The following FABP9 variants were observed in gnomAD, a reference collection of about 807,000 sequenced individuals.
FABP9 encodes the protein fatty acid binding protein 9, also known as fatty acid-binding protein 9.
In FABP9, 11 loss-of-function variants were observed where a neutral mutation model predicts 14.7. The observed-to-expected ratio is 0.75, with a 90% CI of 0.47 to 1.24. FABP9 has a LOEUF of 1.24. Among genes scored for constraint, FABP9 ranks in the 50% most tolerant of loss-of-function variants. The probability of loss-of-function intolerance (pLI) is 0.00; values close to 1 mark genes in which losing one functional copy is unlikely to be tolerated. For missense variants in FABP9, 171 were observed against 158.2 expected (o/e 1.08, Z -0.44); for synonymous variants, 54 against 50.6 (o/e 1.07, Z -0.29).
intron 1 of FABP9, 56 bp from the exon 2 acceptor site, chr8:81,459,393 G>A: frequency 7.1e-7 from 1 of 1,416,478 alleles, no homozygotes; most frequent in Non-Finnish European, 9.3e-7. Context: ...AATCACTCTG[G>A]AAGTCAATTT....
rs1254196882 is a variant in FABP9 at position 81,459,170 on chromosome 8, C to T, written c.241G>A (p.Val81Ile). 6.3e-7 allele frequency: 1 copy of T among 1,588,564 alleles called. No individual in the cohort carries two copies. Among genetic ancestry groups the T allele is most frequent in the Non-Finnish European group, 8.5e-7 (1 of 1,171,838 alleles). Residue 81 changes from valine to isoleucine, a missense_variant, in exon 2 of 4, where the codon GTA becomes ATA. Val to Ile is a conservative substitution (Grantham distance 29). Coordinates refer to ENST00000379071, the MANE Select transcript of FABP9 (RefSeq NM_001080526.2). Reference sequence around the variant, plus strand: ...CAGGAAGAATTAGTTCTGACCTTTACTTTCCGGTTGTCTGCTGTAGTTTCA... The same window carrying T: ...CAGGAAGAATTAGTTCTGACCTTTATTTTCCGGTTGTCTGCTGTAGTTTCA... ...FDETTADNRKVKSTITLENGS... is the reference protein window; with the variant it reads ...FDETTADNRKIKSTITLENGS...
In FABP9 at chr8:81,459,233, C is replaced by G; in HGVS notation, c.178G>C (p.Asp60His). Residue 60 changes from aspartate (D) to histidine (H), a missense_variant, in exon 2 of 4, where the codon GAC (aspartate) becomes CAC (histidine). Physicochemically the swap from Asp to His is moderately conservative, Grantham distance 81. Transcript: ENST00000379071. ...MTIRTESSFQ[D>H]TKISFKLGEE... Reference sequence around the variant, plus strand: ...CCCAGCTTGAAGGAGATCTTAGTGTCCTGGAAAGAACTTTCTGTTCTTATG... The same window carrying G: ...CCCAGCTTGAAGGAGATCTTAGTGTGCTGGAAAGAACTTTCTGTTCTTATG... 1 of 1,589,452 alleles carries G rather than the reference C, an allele frequency of 6.3e-7. No individual in the cohort carries two copies. Among genetic ancestry groups the G allele is most frequent in the Non-Finnish European group, 8.5e-7 (1 of 1,172,084 alleles).
At chr8:81,460,248 C>T (rs1162665558) in intron 1 of FABP9, among the ~76,000 whole-genome samples, 1 of 152,212 alleles carries the variant, frequency 6.6e-6, no homozygotes, top group East Asian at 1.9e-4. Context: ...GATCCACCTG[C>T]CTTGGCCTCC....
intron 2 of FABP9, 85 bp from the exon 3 acceptor site, chr8:81,458,788 T>G: frequency 1.1e-6 from 1 of 917,696 alleles, no homozygotes; most frequent in Non-Finnish European, 1.7e-6. Flanking sequence ...TAATTTCTAT[T>G]TTGAAATTCT....
At chr8:81,460,188 TG>T (rs1165377476) in intron 1 of FABP9, among the ~76,000 whole-genome samples, 3 of 151,988 alleles carry the variant, frequency 2.0e-5, no homozygotes, top group African/African-American at 7.3e-5. Flanking sequence ...TTAGTAGAGA[TG>T]GGGTTTCACC....
rs948121140 is a variant in FABP9 at position 81,458,265 on chromosome 8, C to A, written c.*118G>T. ...CTTCAAAACTGCACTTAATTTGATG[C>A]TTTTATTAAGCAAATTTATATTGAG... On this transcript the variant is annotated 3_prime_UTR_variant, in exon 4 of 4. Transcript: ENST00000379071. The A allele has an allele frequency of 1.1e-4, 85 of 773,534 alleles. No homozygotes were observed. The highest frequency in any genetic ancestry group is 7.7e-5 in the Non-Finnish European group (35 of 455,734). The allele number at this position is 773,534 out of a possible 1,614,324, so 47.9% of individuals were successfully genotyped here. A position where few individuals can be genotyped will look rare whatever the true frequency, so the allele number is the denominator to read the frequency against.
At chr8:81,459,679 C>T (rs551338671) in intron 1 of FABP9, among the ~76,000 whole-genome samples, 8 of 152,104 alleles carry the variant, frequency 5.3e-5, no homozygotes, top group Non-Finnish European at 1.0e-4. Flanking sequence ...AGAGCCTGGC[C>T]CTGTGGTTTG....
Position 81,458,587 on chromosome 8 carries a change from T to G in FABP9, c.348+15A>C. 6.3e-7 allele frequency: 1 copy of G among 1,587,628 alleles called. No homozygotes were observed. The highest frequency in any genetic ancestry group is 8.6e-7 in the Non-Finnish European group (1 of 1,156,428). On this transcript the variant is annotated intron_variant, in intron 3 of 3. Transcript: ENST00000379071. ...AATAGGAACATATAAAGACTTCAAT[T>G]TAAAGAAAACTTACCACTACCATTT...
chr8:81,459,259 GTCA>G lies in FABP9; in HGVS notation c.149_151del (p.Met50del). On this transcript the variant is annotated inframe_deletion, in exon 2 of 4. Coordinates refer to ENST00000379071, the MANE Select transcript of FABP9 (RefSeq NM_001080526.2). ...CTGGAAAGAACTTTCTGTTCTTATGGTCATCATTTTCCCATCAACACTAATAGT... is the reference window on the plus strand; with the variant it reads ...CTGGAAAGAACTTTCTGTTCTTATGGTCATTTTCCCATCAACACTAATAGT... 6.3e-7 allele frequency: 1 copy of G among 1,581,626 alleles called. No individual in the cohort carries two copies. The highest frequency in any genetic ancestry group is 8.6e-7 in the Non-Finnish European group (1 of 1,169,266).
rs141600603 is a variant in FABP9, at chr8:81,459,295, G to A, written c.116C>T (p.Pro39Leu). The change falls in exon 2 of 4, where the codon CCG becomes CTG. Residue 39 changes from proline (P) to leucine (L), a missense_variant. By Grantham distance (98) the Pro-to-Leu change is moderately conservative. Coordinates refer to ENST00000379071, the MANE Select transcript of FABP9 (RefSeq NM_001080526.2). Reference sequence around the variant, plus strand: ...CCCATCAACACTAATAGTTACTGTCGGTTTCACTAACCCTGCCATGTTCCG... The same window carrying A: ...CCCATCAACACTAATAGTTACTGTCAGTTTCACTAACCCTGCCATGTTCCG... ...AARNMAGLVK[P>L]TVTISVDGKM... 2.7e-3 allele frequency: 4,166 copies of A among 1,561,792 alleles called. 104 individuals carry two copies. The African/African-American group carries it at 0.049, about 19-fold the overall frequency.
chr8:81,458,284 T>C lies in FABP9; in HGVS notation c.*99A>G. On this transcript the variant is annotated 3_prime_UTR_variant, in exon 4 of 4. Transcript: ENST00000379071. ...TTGATGCTTTTATTAAGCAAATTTA[T>C]ATTGAGACATTTTTTAAAAATCACC... 1.1e-6 allele frequency: 1 copy of C among 899,840 alleles called. No homozygotes were observed. Among genetic ancestry groups the C allele is most frequent in the South Asian group, 1.5e-5 (1 of 68,346 alleles). 55.7% of individuals were successfully genotyped at this position (899,840 alleles called of 1,614,324 possible).
Position 81,458,386 on chromosome 8 carries a change from C to T in FABP9, c.396G>A (p.Val132=). ...TTTCATTGCTGTGGACCTTTCTTCA[C>T]ACCTTTTCGTAGATTCTGGTGCTGA... ...NIVSTRIYEK[V] is the part of the protein sequence containing the mutation. The change falls in exon 4 of 4, where the codon GTG becomes GTA. Residue 132 remains valine (V), a synonymous_variant. Transcript: ENST00000379071. The T allele has an allele frequency of 6.2e-7, 1 of 1,611,414 alleles. No homozygotes were observed. Among genetic ancestry groups the T allele is most frequent in the Non-Finnish European group, 8.5e-7 (1 of 1,177,640 alleles).
At position 81,459,817 on chromosome 8, in the gene FABP9, G is replaced by T. The variant is rs1585803182; in HGVS notation, c.74-480C>A. 5.3e-5 allele frequency among the ~76,000 whole-genome samples: 8 copies of T among 152,292 alleles called. 2 individuals carry two copies. The highest frequency in any genetic ancestry group is 5.2e-4 in the Admixed American group (8 of 15,280). On this transcript the variant is annotated intron_variant, in intron 1 of 3. Transcript: ENST00000379071. ...TGGAACTGATATGACACATCTTACT[G>T]TAGAGAAGCAGTGTTAGACATCTGC... is the stretch of plus-strand genomic sequence containing the variant.
chr8:81,459,170 CT>C lies in FABP9; in HGVS notation c.240del (p.Val81Ter). On this transcript the variant is annotated frameshift_variant, in exon 2 of 4. Coordinates refer to ENST00000379071, the MANE Select transcript of FABP9 (RefSeq NM_001080526.2). LOFTEE classifies it high-confidence loss of function. The stretch of plus-strand genomic sequence containing the variant: ...CAGGAAGAATTAGTTCTGACCTTTA[CT>C]TTCCGGTTGTCTGCTGTAGTTTCAT... ...EFDETTADNR[K>X]VKSTITLENG... The C allele has an allele frequency of 6.3e-7, 1 of 1,588,564 alleles. No homozygotes were observed. The highest frequency in any genetic ancestry group is 8.5e-7 in the Non-Finnish European group (1 of 1,171,838).
Position 81,461,468 on chromosome 8 carries a change from T to C in FABP9, c.56A>G (p.Asp19Gly), listed in dbSNP as rs1807691762. Residue 19 changes from aspartate to glycine, a missense_variant, in exon 1 of 4, where the codon GAT (aspartate) becomes GGT (glycine). By Grantham distance (94) the Asp-to-Gly change is moderately conservative. Transcript: ENST00000379071. Reference protein sequence around the residue: ...WKLVSSENFEDYMKELGVNFA... With the variant: ...WKLVSSENFEGYMKELGVNFA... ...TTTCTCACCCAGTTCTTTCATGTAA[T>C]CCTCAAAGTTTTCACTGGAGACCAG... 6.2e-7 allele frequency: 1 copy of C among 1,612,914 alleles called. No individual in the cohort carries two copies. The highest frequency in any genetic ancestry group is 1.3e-5 in the African/African-American group (1 of 74,880).
In FABP9 at chr8:81,458,300, A is replaced by T. The variant is rs79406254; in HGVS notation, c.*83T>A. 2,077 of 1,048,530 alleles carry T rather than the reference A, an allele frequency of 2.0e-3. 33 individuals carry two copies. In the African/African-American group the frequency reaches 0.029, roughly 14 times the overall value. The allele number at this position is 1,048,530 out of a possible 1,614,324, so 65.0% of individuals were successfully genotyped here. On this transcript the variant is annotated 3_prime_UTR_variant, in exon 4 of 4. Transcript: ENST00000379071. ...GCAAATTTATATTGAGACATTTTTT[A>T]AAAATCACCAGCCCTGAGGCATATC...
chr8:81,459,038 G>C (rs1227702489), intron 2 of FABP9, 127 bp downstream of exon 2: 3 of 774,504 alleles, frequency 3.9e-6, no homozygotes, highest in East Asian at 2.7e-5. Context: ...ATTAACTTTA[G>C]AGATGTGCGA....
chr8:81,459,971 C>T (rs1807663031), intron 1 of FABP9, among the ~76,000 whole-genome samples: 3 of 139,420 alleles, frequency 2.2e-5, no homozygotes, highest in African/African-American at 9.0e-5. Context: ...GTATACTTGA[C>T]CTCGCAAGTT....
chr8:81,458,578 G>T, intron 3 of FABP9, 24 bp downstream of exon 3: 1 of 1,551,724 alleles, frequency 6.4e-7, no homozygotes. Context: ...AACATATAAA[G>T]ACTTCAATTT....
Sources: gnomAD v4.1 joint callset for allele counts (sites outside exome capture counted in the v4.1 genomes callset) on GRCh38, gnomAD v4.1.1 for gene constraint, MANE v1.5 for transcripts, NCBI Gene and HGNC (gene_info 2026-07-23, HGNC 2026-07-21) for gene names.